TRIO: variants seen among roughly 807,000 people sequenced by gnomAD.
TRIO encodes the protein trio Rho guanine nucleotide exchange factor.
TRIO carries 58 observed loss-of-function variants against 351.9 expected under a neutral mutation model. That is an observed-to-expected ratio of 0.16 (90% CI 0.13 to 0.21). The LOEUF (loss-of-function observed/expected upper bound fraction) is 0.21. Among genes scored for constraint, TRIO ranks in the 10% least tolerant of loss-of-function variants. The probability of loss-of-function intolerance (pLI) is 1.00; values close to 1 mark genes in which losing one functional copy is unlikely to be tolerated. For synonymous variants in TRIO, 1,758 were observed against 1,595.7 expected (o/e 1.10, Z -2.42); for missense variants, 3,201 against 4,027.8 (o/e 0.79, Z 5.56).
At chr5:14,427,091 A>C (rs1486946626) in intron 34 of TRIO, among the ~76,000 whole-genome samples, 1 of 152,120 alleles carries the variant, frequency 6.6e-6, no homozygotes, top group East Asian at 1.9e-4. Flanking sequence ...CACTGGGGTA[A>C]GCACTGTGTG....
chr5:14,403,283 G>A (rs1413651277), intron 31 of TRIO, among the ~76,000 whole-genome samples: 1 of 140,518 alleles, frequency 7.1e-6, no homozygotes, highest in East Asian at 2.4e-4. Flanking sequence ...TGTGGTGAGG[G>A]TGTAGGTTGT....
intron 1 of TRIO, among the ~76,000 whole-genome samples, chr5:14,240,163 G>A (rs964955329): frequency 1.5e-4 from 23 of 152,218 alleles, no homozygotes; most frequent in African/African-American, 5.3e-4. Flanking sequence ...ACTCATACAG[G>A]TTTGTGGAAT....
At chr5:14,507,560 G>A (rs1757795813) in intron 56 of TRIO, among the ~76,000 whole-genome samples, 1 of 152,124 alleles carries the variant, frequency 6.6e-6, no homozygotes, top group Admixed American at 6.5e-5. Flanking sequence ...AGCTTAGGCG[G>A]GAAAGAGAGC....
At chr5:14,409,500 G>T (rs1749000014) in intron 33 of TRIO, among the ~76,000 whole-genome samples, 1 of 151,974 alleles carries the variant, frequency 6.6e-6, no homozygotes, top group Non-Finnish European at 1.5e-5. Flanking sequence ...GACCTCATCT[G>T]ATGTGTTGTC....
intron 11 of TRIO, among the ~76,000 whole-genome samples, chr5:14,345,949 C>G (rs1226865832): frequency 6.6e-6 from 1 of 152,184 alleles, no homozygotes; most frequent in African/African-American, 2.4e-5. Flanking sequence ...AACCACAAGT[C>G]TTTGGTGAGG....
At chr5:14,280,209 T>C (rs1735878437) in intron 2 of TRIO, 113 bp from the exon 3 acceptor site, 3 of 925,444 alleles carry the variant, frequency 3.2e-6, no homozygotes, top group South Asian at 1.5e-5. Flanking sequence ...ACTTCTGCCC[T>C]GTGCAAATTT....
In TRIO at chr5:14,509,288, C is replaced by T. The variant is rs1757933100; in HGVS notation, c.*866C>T. On this transcript the variant is annotated 3_prime_UTR_variant, in exon 57 of 57. Transcript: ENST00000344204. ...ATCATGTGCAATGTTGTGGCTTTAA[C>T]ATTTTATGCAACTATTTATGAAGAC... 2 of 379,580 alleles carry T rather than the reference C, an allele frequency of 5.3e-6. No individual in the cohort carries two copies. Among genetic ancestry groups the T allele is most frequent in the East Asian group, 7.7e-5 (1 of 12,914 alleles). The allele number at this position is 379,580 out of a possible 1,614,324, so 23.5% of individuals were successfully genotyped here. A position where few individuals can be genotyped will look rare whatever the true frequency, so the allele number is the denominator to read the frequency against.
chr5:14,496,853 A>G lies in TRIO; in HGVS notation c.7881-26A>G, dbSNP rs1209222186. 1.9e-6 allele frequency: 3 copies of G among 1,612,398 alleles called. No individual in the cohort carries two copies. In the African/African-American group the frequency reaches 4.0e-5, roughly 22 times the overall value. ...TTGGTGAATGTTGGAAAGGCATAAT[A>G]CCCACAGTGTGTTCATTTCCCCTAG... On this transcript the variant is annotated intron_variant, in intron 49 of 56. Transcript: ENST00000344204.
chr5:14,322,780 C>T (rs946082900), intron 9 of TRIO, among the ~76,000 whole-genome samples: 19 of 152,204 alleles, frequency 1.2e-4, no homozygotes, highest in African/African-American at 4.3e-4. Context: ...CTCCAGCACT[C>T]GCAGTTTTGA....
chr5:14,355,077 G>A (rs1221948870), intron 11 of TRIO, among the ~76,000 whole-genome samples: 2 of 152,194 alleles, frequency 1.3e-5, no homozygotes, highest in African/African-American at 4.8e-5. Context: ...CGACTCAAAG[G>A]GTTTGCTTTG....
chr5:14,267,486 T>C (rs1295247652), intron 1 of TRIO, among the ~76,000 whole-genome samples: 1 of 152,220 alleles, frequency 6.6e-6, no homozygotes. Context: ...GATCCTTTAA[T>C]GCATGAATGA....
intron 1 of TRIO, among the ~76,000 whole-genome samples, chr5:14,188,873 T>C (rs1317467353): frequency 1.3e-5 from 2 of 152,220 alleles, no homozygotes; most frequent in Non-Finnish European, 2.9e-5. Flanking sequence ...GGTGATGTAG[T>C]TCAAGTCGAA....
rs530814350 is a variant in TRIO, at chr5:14,437,918, T to C, written c.5203+17897T>C. On this transcript the variant is annotated intron_variant, in intron 34 of 56. Coordinates refer to ENST00000344204, the MANE Select transcript of TRIO (RefSeq NM_007118.4). ...GTGCCCAATTTGCTTGACATAGATA[T>C]CACCCTTTTGTTCCTTCCCAGCATC... Among the ~76,000 whole-genome samples, 11 of 152,282 alleles carry C rather than the reference T, an allele frequency of 7.2e-5. No homozygotes were observed. In the East Asian group the frequency reaches 1.7e-3, roughly 24 times the overall value.
intron 1 of TRIO, among the ~76,000 whole-genome samples, chr5:14,170,545 C>T (rs1483281852): frequency 1.4e-5 from 2 of 141,514 alleles, no homozygotes; most frequent in East Asian, 2.1e-4. Flanking sequence ...CTTGCTTTGT[C>T]GCCTAGCCTG....
At chr5:14,210,187 G>A (rs916918112) in intron 1 of TRIO, among the ~76,000 whole-genome samples, 1 of 152,238 alleles carries the variant, frequency 6.6e-6, no homozygotes, top group Non-Finnish European at 1.5e-5. Flanking sequence ...GTAGATGAAC[G>A]GGGAAGTTCT....
Position 14,287,197 on chromosome 5 carries a change from G to A in TRIO, c.540+134G>A, listed in dbSNP as rs186189554. ...TGCATATCTTACGAACATGTGATACGTAAAATTAGTTACTGCATGAAATAA... is the reference window on the plus strand; with the variant it reads ...TGCATATCTTACGAACATGTGATACATAAAATTAGTTACTGCATGAAATAA... On this transcript the variant is annotated intron_variant, in intron 4 of 56. Transcript: ENST00000344204. The A allele has an allele frequency of 6.2e-5, 51 of 819,966 alleles. No homozygotes were observed. In the East Asian group the frequency reaches 9.5e-4, roughly 15 times the overall value. The allele number at this position is 819,966 out of a possible 1,614,324, so 50.8% of individuals were successfully genotyped here.
intron 2 of TRIO, among the ~76,000 whole-genome samples, chr5:14,274,009 A>T (rs1233336205): frequency 1.3e-5 from 2 of 152,192 alleles, no homozygotes; most frequent in Non-Finnish European, 2.9e-5. Flanking sequence ...AATTCCAGAT[A>T]TTATTTTATT....
At chr5:14,368,558 C>G (rs1020728633) in intron 16 of TRIO, 150 bp from the exon 17 acceptor site, 21 of 753,898 alleles carry the variant, frequency 2.8e-5, no homozygotes, top group Middle Eastern at 3.9e-4. Flanking sequence ...GCTAAACTGT[C>G]TGCTGTGCTT....
At chr5:14,336,082 G>A (rs1253250509) in intron 10 of TRIO, among the ~76,000 whole-genome samples, 1 of 152,240 alleles carries the variant, frequency 6.6e-6, no homozygotes, top group East Asian at 1.9e-4. Flanking sequence ...ATGTTTGTTT[G>A]GAATTTAACC....
Sources: gnomAD v4.1 joint callset for allele counts (sites outside exome capture counted in the v4.1 genomes callset) on GRCh38, gnomAD v4.1.1 for gene constraint, MANE v1.5 for transcripts, NCBI Gene and HGNC (gene_info 2026-07-23, HGNC 2026-07-21) for gene names.